The following PHACTR1 variants were observed in gnomAD, a reference collection of about 807,000 sequenced individuals.
PHACTR1 encodes RPEL repeat containing 1.
A neutral mutation model predicts 69.2 loss-of-function variants in PHACTR1; 16 were observed. The observed-to-expected ratio is 0.23, with a 90% CI of 0.16 to 0.35. PHACTR1 has a LOEUF of 0.35. Ranked by LOEUF, PHACTR1 falls within the 10% of genes least tolerant of loss-of-function variation. The probability of loss-of-function intolerance (pLI) is 1.00; values close to 1 mark genes in which losing one functional copy is unlikely to be tolerated. For synonymous variants in PHACTR1, 312 were observed against 284.5 expected (o/e 1.10, Z -0.97); for missense variants, 510 against 734.7 (o/e 0.69, Z 3.54).
Position 13,186,974 on chromosome 6 carries a change from G to A in PHACTR1, c.664+4288G>A, listed in dbSNP as rs139468874. 9.4e-3 allele frequency among the ~76,000 whole-genome samples: 1,426 copies of A among 152,248 alleles called. 14 individuals carry two copies. Among genetic ancestry groups the A allele is most frequent in the Non-Finnish European group, 0.015 (1,011 of 68,012 alleles). Reference sequence around the variant, plus strand: ...GGGTGGTGGGAGACAGTGACCGATCGTCAGGCAGTGGATTTTCATAAGGAA... The same window carrying A: ...GGGTGGTGGGAGACAGTGACCGATCATCAGGCAGTGGATTTTCATAAGGAA... On this transcript the variant is annotated intron_variant, in intron 7 of 14. Coordinates refer to ENST00000332995, the MANE Select transcript of PHACTR1 (RefSeq NM_030948.6).
At position 13,283,694 on chromosome 6, in the gene PHACTR1, A is replaced by G; in HGVS notation, c.1650+132A>G. On this transcript the variant is annotated intron_variant, in intron 13 of 14. Coordinates refer to ENST00000332995, the MANE Select transcript of PHACTR1 (RefSeq NM_030948.6). This position sits in a 1 kb window ranked among gnomAD's most constrained non-coding sequence, Gnocchi z 4.7. ...GCAGTCCCCATAATGGAGTGTTGAGACCCCAACACCTTTCCCCAGGGGCCA... is the reference window on the plus strand; with the variant it reads ...GCAGTCCCCATAATGGAGTGTTGAGGCCCCAACACCTTTCCCCAGGGGCCA... 5 of 1,302,822 alleles carry G rather than the reference A, an allele frequency of 3.8e-6. No individual in the cohort carries two copies. The highest frequency in any genetic ancestry group is 5.4e-6 in the Non-Finnish European group (5 of 925,778). The allele number at this position is 1,302,822 out of a possible 1,614,324, so 80.7% of individuals were successfully genotyped here.
intron 4 of PHACTR1, among the ~76,000 whole-genome samples, chr6:12,995,009 G>A: frequency 6.6e-6 from 1 of 152,034 alleles, no homozygotes; most frequent in Non-Finnish European, 1.5e-5. Flanking sequence ...ATTGAACCAA[G>A]AAGGAAGGAG....
At chr6:13,241,869 CAAAA>C (rs924968728) in intron 10 of PHACTR1, among the ~76,000 whole-genome samples, 2 of 130,936 alleles carry the variant, frequency 1.5e-5, no homozygotes, top group Non-Finnish European at 3.3e-5. Context: ...ACTAAAAATG[CAAAA>C]AAAAAAAAAC....
chr6:13,011,204 C>A (rs1449849767), intron 4 of PHACTR1, among the ~76,000 whole-genome samples: 1 of 152,188 alleles, frequency 6.6e-6, no homozygotes, highest in Non-Finnish European at 1.5e-5. Flanking sequence ...CTATAATCTG[C>A]CTTACCCAAT....
chr6:13,176,871 T>A (rs1761388108), intron 6 of PHACTR1, among the ~76,000 whole-genome samples: 2 of 152,136 alleles, frequency 1.3e-5, no homozygotes. Context: ...ATTTTAAACA[T>A]GGGTTTTCAA....
intron 10 of PHACTR1, among the ~76,000 whole-genome samples, chr6:13,249,493 CT>C (rs1178341191): frequency 6.6e-6 from 1 of 152,146 alleles, no homozygotes; most frequent in Non-Finnish European, 1.5e-5. Flanking sequence ...GGGGTATGAA[CT>C]ACACTAAAAT....
chr6:12,739,612 T>C (rs1009878542), intron 3 of PHACTR1, among the ~76,000 whole-genome samples: 49 of 152,260 alleles, frequency 3.2e-4, no homozygotes, highest in African/African-American at 1.1e-3. Context: ...TGAAAATGGC[T>C]CACTGCAGAC....
At position 12,908,939 on chromosome 6, in the gene PHACTR1, A is replaced by G. The variant is rs115607517; in HGVS notation, c.251-144426A>G. On this transcript the variant is annotated intron_variant, in intron 4 of 14. Transcript: ENST00000332995. The stretch of plus-strand genomic sequence containing the variant: ...CTAGAAATGATACCGTCAAATTTCA[A>G]TTTAGCAAAATGCATCAGGTGGCTG... Among the ~76,000 whole-genome samples, 305 of 152,324 alleles carry G rather than the reference A, an allele frequency of 2.0e-3. 3 individuals carry two copies. The highest frequency in any genetic ancestry group is 6.9e-3 in the African/African-American group (286 of 41,580).
At chr6:12,779,029 C>T (rs1168381551) in intron 4 of PHACTR1, among the ~76,000 whole-genome samples, 2 of 152,086 alleles carry the variant, frequency 1.3e-5, no homozygotes, top group Admixed American at 6.6e-5. Flanking sequence ...ATGGAAGACA[C>T]TTTATATTAA....
chr6:13,002,979 A>C (rs776706335), intron 4 of PHACTR1, among the ~76,000 whole-genome samples: 42 of 152,280 alleles, frequency 2.8e-4, no homozygotes, highest in African/African-American at 9.1e-4. Context: ...TAAATTTGAG[A>C]TTAGGATTTA....
intron 4 of PHACTR1, among the ~76,000 whole-genome samples, chr6:13,050,974 T>C: frequency 6.6e-6 from 1 of 152,180 alleles, no homozygotes; most frequent in Admixed American, 6.5e-5. Flanking sequence ...TCCTAGTTAC[T>C]GTGATTGCAG....
At chr6:13,249,424 G>A (rs1232603161) in intron 10 of PHACTR1, among the ~76,000 whole-genome samples, 2 of 152,118 alleles carry the variant, frequency 1.3e-5, no homozygotes, top group Admixed American at 1.3e-4. Context: ...GTGCCAAAAA[G>A]GTTGGGGACA....
intron 10 of PHACTR1, among the ~76,000 whole-genome samples, chr6:13,255,759 G>A (rs987253616): frequency 2.0e-5 from 3 of 152,186 alleles, no homozygotes; most frequent in African/African-American, 7.2e-5. Context: ...TGGATGGTGG[G>A]CACCCAAAGC....
rs10664160 is a variant in PHACTR1, at chr6:13,073,331, ATTTTTTT to A, written c.415+19826_415+19832del. Among the ~76,000 whole-genome samples, 26 of 65,692 alleles carry A rather than the reference ATTTTTTT, an allele frequency of 4.0e-4. 1 individual carries two copies. In the South Asian group the frequency reaches 9.4e-3, roughly 24 times the overall value. The allele number at this position is 65,692 out of a possible 152,430, so 43.1% of individuals were successfully genotyped here. ...ATTCCTTCAACCAATCATTCCATGA[ATTTTTTT>A]TTTTTTTTTTTTTTTTTTTTTTTGA... On this transcript the variant is annotated intron_variant, in intron 5 of 14. Transcript: ENST00000332995.
chr6:13,090,363 T>C (rs571456065), intron 5 of PHACTR1, among the ~76,000 whole-genome samples: 1 of 151,890 alleles, frequency 6.6e-6, no homozygotes, highest in East Asian at 1.9e-4. Flanking sequence ...CACTGCATTG[T>C]TGACTTCTAC....
intron 5 of PHACTR1, among the ~76,000 whole-genome samples, chr6:13,144,650 C>T (rs1011737155): frequency 6.6e-6 from 1 of 151,516 alleles, no homozygotes; most frequent in African/African-American, 2.4e-5. Context: ...ACTGTAGTCC[C>T]AGCTGCTTGG....
At chr6:13,251,781 TC>T (rs1210559514) in intron 10 of PHACTR1, among the ~76,000 whole-genome samples, 48 of 152,058 alleles carry the variant, frequency 3.2e-4, no homozygotes, top group African/African-American at 1.1e-3. Flanking sequence ...TAGTGAAAAA[TC>T]ATTTAAATTT....
intron 4 of PHACTR1, among the ~76,000 whole-genome samples, chr6:12,865,308 G>C (rs1024775628): frequency 6.6e-6 from 1 of 152,148 alleles, no homozygotes; most frequent in Admixed American, 6.5e-5. Flanking sequence ...CTAGTGAAAT[G>C]CCTTGACAAT....
chr6:13,218,979 C>T (rs1768178818), intron 8 of PHACTR1, among the ~76,000 whole-genome samples: 1 of 151,854 alleles, frequency 6.6e-6, no homozygotes, highest in Admixed American at 6.6e-5. Context: ...CTATGCATCT[C>T]CTACTTAGTT....
Sources: gnomAD v4.1 joint callset for allele counts (sites outside exome capture counted in the v4.1 genomes callset) on GRCh38, gnomAD v4.1.1 for gene constraint, Gnocchi (gnomAD v3.1) non-coding constraint, MANE v1.5 for transcripts, NCBI Gene and HGNC (gene_info 2026-07-23, HGNC 2026-07-21) for gene names.